CCNL1: variants seen among roughly 807,000 people sequenced by gnomAD.
The protein encoded by CCNL1 is cyclin-L1.
A neutral mutation model predicts 60.6 loss-of-function variants in CCNL1; 13 were observed. The observed-to-expected ratio is 0.21, with a 90% CI of 0.14 to 0.34. The LOEUF (loss-of-function observed/expected upper bound fraction) is 0.34. Ranked by LOEUF, CCNL1 falls within the 10% of genes least tolerant of loss-of-function variation. The pLI is 1.00. For missense variants in CCNL1, 481 were observed against 664.3 expected, an observed-to-expected ratio of 0.72 and a Z score of 3.03; for synonymous variants, 270 against 244.3, an observed-to-expected ratio of 1.10 and a Z score of -0.98.
At chr3:157,150,868 CTT>C (rs1738137328) in intron 5 of CCNL1, 1 of 985,090 alleles carries the variant, frequency 1.0e-6, no homozygotes, top group Admixed American at 6.1e-5. Context: ...CCAAGTTAAA[CTT>C]ATATTAAGAA....
At chr3:157,157,131 T>C (rs980289169) in intron 3 of CCNL1, 2 of 1,286,948 alleles carry the variant, frequency 1.6e-6, no homozygotes, top group Non-Finnish European at 2.0e-6. Flanking sequence ...TAATAACATA[T>C]ACAAGTTACG....
At position 157,148,051 on chromosome 3, in the gene CCNL1, G is replaced by A. The variant is rs527978595; in HGVS notation, c.*190C>T. The A allele has an allele frequency of 6.3e-4, 872 of 1,376,734 alleles. 3 individuals carry two copies. The highest frequency in any genetic ancestry group is 1.2e-3 in the South Asian group (60 of 51,370). 85.3% of individuals were successfully genotyped at this position (1,376,734 alleles called of 1,614,324 possible). A position where few individuals can be genotyped will look rare whatever the true frequency, so the allele number is the denominator to read the frequency against. The stretch of plus-strand genomic sequence containing the variant: ...ATGGTTTTTAATTAGATACTGCTAG[G>A]GCATTTTAATGTGCAAAAAAATTAA... On this transcript the variant is annotated 3_prime_UTR_variant, in exon 11 of 11. Coordinates refer to ENST00000295926, the MANE Select transcript of CCNL1 (RefSeq NM_020307.4).
chr3:157,159,916 G>A lies in CCNL1; in HGVS notation c.179C>T (p.Pro60Leu), dbSNP rs1332332708. The A allele has an allele frequency of 1.2e-6, 2 of 1,606,782 alleles. No individual in the cohort carries two copies. Among genetic ancestry groups the A allele is most frequent in the African/African-American group, 1.3e-5 (1 of 74,788 alleles). The change falls in exon 1 of 11, where the codon CCG becomes CTG. Residue 60 changes from proline (P) to leucine (L), a missense_variant. Pro to Leu is a moderately conservative substitution (Grantham distance 98). This residue lies in a region of CCNL1 where 130 missense variants were observed against 174.5 expected (regional missense o/e 0.75). Transcript: ENST00000295926. ...VSLTIDHSLI[P>L]EERLSPTPSM... Reference sequence around the variant, plus strand: ...TGGGGTGGGCGAGAGCCTCTCCTCCGGAATCAGAGAGTGGTCGATGGTAAG... The same window carrying A: ...TGGGGTGGGCGAGAGCCTCTCCTCCAGAATCAGAGAGTGGTCGATGGTAAG...
At position 157,147,760 on chromosome 3, in the gene CCNL1, T is replaced by G. The variant is rs1737844622; in HGVS notation, c.*481A>C. 2.0e-5 allele frequency: 20 copies of G among 980,462 alleles called. No homozygotes were observed. Among genetic ancestry groups the G allele is most frequent in the Non-Finnish European group, 2.4e-5 (20 of 826,006 alleles). 60.7% of individuals were successfully genotyped at this position (980,462 alleles called of 1,614,324 possible). A position where few individuals can be genotyped will look rare whatever the true frequency, so the allele number is the denominator to read the frequency against. On this transcript the variant is annotated 3_prime_UTR_variant, in exon 11 of 11. Transcript: ENST00000295926. ...GCCATTTTGCTATTAAAATTTTCCT[T>G]TTTAATAATTTATTTAAATAAGGTA...
At chr3:157,144,288 T>C (rs1046413748), downstream of CCNL1, among the ~76,000 whole-genome samples, 5 of 152,248 alleles carry the variant, frequency 3.3e-5, no homozygotes, top group African/African-American at 1.2e-4. Context: ...AACAGCTATC[T>C]TTTGAACTGT....
chr3:157,147,900 C>CT lies in CCNL1; in HGVS notation c.*340dup. Reference sequence around the variant, plus strand: ...TCACCATCATTTAAACAAATAACCACTTAAATAGAACAGTGTCTGCAATTT... The same window carrying CT: ...TCACCATCATTTAAACAAATAACCACTTTAAATAGAACAGTGTCTGCAATTT... On this transcript the variant is annotated 3_prime_UTR_variant, in exon 11 of 11. Transcript: ENST00000295926. 2 of 1,018,634 alleles carry CT rather than the reference C, an allele frequency of 2.0e-6. No homozygotes were observed. The highest frequency in any genetic ancestry group is 3.4e-5 in the African/African-American group (2 of 58,668). 63.1% of individuals were successfully genotyped at this position (1,018,634 alleles called of 1,614,324 possible). A position where few individuals can be genotyped will look rare whatever the true frequency, so the allele number is the denominator to read the frequency against.
intron 2 of CCNL1, 26 bp downstream of exon 2, chr3:157,159,379 C>G (rs1560203497): frequency 6.2e-7 from 1 of 1,611,724 alleles, no homozygotes; most frequent in Non-Finnish European, 8.5e-7. Flanking sequence ...GAAGAAATCC[C>G]TTTTACCCGC....
In CCNL1 at chr3:157,150,288, T is replaced by G. The variant is rs1423566103; in HGVS notation, c.768A>C (p.Ala256=). Residue 256 remains alanine (A), a synonymous_variant, in exon 6 of 11, where the codon GCA becomes GCC. Coordinates refer to ENST00000295926, the MANE Select transcript of CCNL1 (RefSeq NM_020307.4). Reference sequence around the variant, plus strand: ...ATGGGAAATATACACCTACCTGAAGTGCTCTAGCTGCAAGGTAGATGCAAG... The same window carrying G: ...ATGGGAAATATACACCTACCTGAAGGGCTCTAGCTGCAAGGTAGATGCAAG... ...ACACIYLAAR[A]LQIPLPTRPH... is the part of the protein sequence containing the mutation. 1 of 1,613,722 alleles carries G rather than the reference T, an allele frequency of 6.2e-7. No individual in the cohort carries two copies. Among genetic ancestry groups the G allele is most frequent in the Non-Finnish European group, 8.5e-7 (1 of 1,179,800 alleles).
intron 5 of CCNL1, 104 bp from the exon 6 acceptor site, chr3:157,150,485 A>G (rs1424958674): frequency 2.0e-5 from 30 of 1,470,322 alleles, no homozygotes; most frequent in Non-Finnish European, 2.6e-5. Context: ...TTCTTCTCTT[A>G]TTTATATTCA....
At chr3:157,151,694 T>A (rs899701388) in intron 5 of CCNL1, 3 of 1,000,078 alleles carry the variant, frequency 3.0e-6, no homozygotes, top group Non-Finnish European at 3.6e-6. Flanking sequence ...TAGTTACAAG[T>A]ATACATTAAA....
chr3:157,150,279 T>C lies in CCNL1; in HGVS notation c.774+3A>G, dbSNP rs573921632. On this transcript the variant is annotated splice_donor_region_variant and intron_variant, in intron 6 of 10. Coordinates refer to ENST00000295926, the MANE Select transcript of CCNL1 (RefSeq NM_020307.4). Reference sequence around the variant, plus strand: ...CAGAACAAAATGGGAAATATACACCTACCTGAAGTGCTCTAGCTGCAAGGT... The same window carrying C: ...CAGAACAAAATGGGAAATATACACCCACCTGAAGTGCTCTAGCTGCAAGGT... The C allele has an allele frequency of 9.3e-6, 15 of 1,613,836 alleles. No homozygotes were observed. In the South Asian group the frequency reaches 1.2e-4, roughly 13 times the overall value.
intron 5 of CCNL1, chr3:157,150,666 G>T: frequency 3.7e-6 from 4 of 1,082,488 alleles, no homozygotes; most frequent in East Asian, 5.8e-5. Context: ...ATATATTTCT[G>T]TAAAAAGCAA....
At chr3:157,151,487 C>T (rs1738189821) in intron 5 of CCNL1, 4 of 985,768 alleles carry the variant, frequency 4.1e-6, no homozygotes, top group Admixed American at 6.1e-5. Context: ...TATTATTACC[C>T]GCAATACAGC....
intron 3 of CCNL1, among the ~76,000 whole-genome samples, chr3:157,155,167 C>T (rs1738519703): frequency 6.6e-6 from 1 of 152,114 alleles, no homozygotes; most frequent in East Asian, 1.9e-4. Context: ...TAACCCCTTG[C>T]AATCCAGACA....
In CCNL1 at chr3:157,160,017, G is replaced by A. The variant is rs1244809601; in HGVS notation, c.78C>T (p.Ser26=). 4 of 1,570,194 alleles carry A rather than the reference G, an allele frequency of 2.5e-6. No individual in the cohort carries two copies. The highest frequency in any genetic ancestry group is 2.6e-6 in the Non-Finnish European group (3 of 1,158,064). The change falls in exon 1 of 11, where the codon AGC becomes AGT. Residue 26 remains serine, a synonymous_variant. Coordinates refer to ENST00000295926, the MANE Select transcript of CCNL1 (RefSeq NM_020307.4). ...TCGTCGTCGTGGTCGTCGTCCCGGAGCTGGAGCCGCCCGCGCTTGGGGCGG... is the reference window on the plus strand; with the variant it reads ...TCGTCGTCGTGGTCGTCGTCCCGGAACTGGAGCCGCCCGCGCTTGGGGCGG... The part of the protein sequence containing the change: ...SSAAPSAGGS[S]SGTTTTTTTT...
downstream of CCNL1, among the ~76,000 whole-genome samples, chr3:157,146,196 G>A (rs1737777998): frequency 1.3e-5 from 2 of 151,950 alleles, no homozygotes; most frequent in Admixed American, 6.6e-5. Flanking sequence ...TATTGGTATT[G>A]CACAACTTTG....
chr3:157,159,933 G>T lies in CCNL1; in HGVS notation c.162C>A (p.Ile54=), dbSNP rs2108145040. ...DRLYSEVSLT[I]DHSLIPEERL... Reference sequence around the variant, plus strand: ...TCTCCTCCGGAATCAGAGAGTGGTCGATGGTAAGTGAAACTTCCGAGTACA... The same window carrying T: ...TCTCCTCCGGAATCAGAGAGTGGTCTATGGTAAGTGAAACTTCCGAGTACA... The change falls in exon 1 of 11, where the codon ATC becomes ATA. Residue 54 remains isoleucine (I), a synonymous_variant. Transcript: ENST00000295926. The T allele has an allele frequency of 1.2e-6, 2 of 1,605,942 alleles. No individual in the cohort carries two copies. Among genetic ancestry groups the T allele is most frequent in the South Asian group, 2.2e-5 (2 of 89,612 alleles).
downstream of CCNL1, among the ~76,000 whole-genome samples, chr3:157,146,304 C>T (rs1175331316): frequency 1.3e-5 from 2 of 152,134 alleles, no homozygotes; most frequent in East Asian, 1.9e-4. Flanking sequence ...ACTTAGAAAA[C>T]GGATTCAGTA....
At chr3:157,145,662 G>A (rs1241159851), downstream of CCNL1, among the ~76,000 whole-genome samples, 1 of 152,078 alleles carries the variant, frequency 6.6e-6, no homozygotes, top group Non-Finnish European at 1.5e-5. Context: ...TGGTGGATGA[G>A]GCAGCAACCT....
Sources: allele counts gnomAD v4.1 joint callset (sites outside exome capture counted in the v4.1 genomes callset), GRCh38; gene constraint gnomAD v4.1.1; regional missense constraint gnomAD v4.1.1; transcripts MANE v1.5; gene names NCBI Gene and HGNC (gene_info 2026-07-23, HGNC 2026-07-21).